The following DCAF17 variants were observed in gnomAD, a reference collection of about 807,000 sequenced individuals.
The protein encoded by DCAF17 is DDB1 and CUL4 associated factor 17, also known as DDB1- and CUL4-associated factor 17.
A neutral mutation model predicts 66.0 loss-of-function variants in DCAF17; 48 were observed. The ratio of observed to expected loss-of-function variants is 0.73; its 90% CI spans 0.58 to 0.92. The LOEUF (loss-of-function observed/expected upper bound fraction) is 0.92. DCAF17 is among the 40% of genes least tolerant of loss of function. DCAF17 has a pLI of 0.00. For synonymous variants in DCAF17, 206 were observed against 214.6 expected, an observed-to-expected ratio of 0.96 and a Z score of 0.35; for missense variants, 562 against 622.8, an observed-to-expected ratio of 0.90 and a Z score of 1.04.
rs1208491137 is a variant in DCAF17 at position 171,483,952 on chromosome 2, C to T, written c.*2838C>T. ...TGTTATTTTATCCCAATTTAGCATA[C>T]CAACAACTATAATACTAGATATGTA... On this transcript the variant is annotated 3_prime_UTR_variant, in exon 14 of 14. Transcript: ENST00000375255. The T allele has an allele frequency of 4.4e-6, 2 of 453,808 alleles. No homozygotes were observed. Among genetic ancestry groups the T allele is most frequent in the Non-Finnish European group, 8.8e-6 (2 of 226,784 alleles). The allele number at this position is 453,808 out of a possible 1,614,324, so 28.1% of individuals were successfully genotyped here. A position where few individuals can be genotyped will look rare whatever the true frequency, so the allele number is the denominator to read the frequency against.
At chr2:171,439,413 G>A (rs544545158) in intron 2 of DCAF17, among the ~76,000 whole-genome samples, 1 of 151,186 alleles carries the variant, frequency 6.6e-6, no homozygotes, top group East Asian at 1.9e-4. Flanking sequence ...CAAACTCACT[G>A]ATTCTGTCCT....
chr2:171,438,058 T>A (rs769909783), intron 2 of DCAF17, among the ~76,000 whole-genome samples: 1 of 152,260 alleles, frequency 6.6e-6, no homozygotes, highest in Non-Finnish European at 1.5e-5. Flanking sequence ...ATACGTTGTA[T>A]GTGCATTTTC....
At chr2:171,471,524 G>A (rs1311896843) in intron 9 of DCAF17, among the ~76,000 whole-genome samples, 5 of 152,142 alleles carry the variant, frequency 3.3e-5, no homozygotes, top group African/African-American at 1.2e-4. Context: ...AGCATCTGGA[G>A]CTAATACCAT....
Position 171,483,793 on chromosome 2 carries a change from A to G in DCAF17, c.*2679A>G. 1 of 454,116 alleles carries G rather than the reference A, an allele frequency of 2.2e-6. No individual in the cohort carries two copies. The highest frequency in any genetic ancestry group is 4.4e-6 in the Non-Finnish European group (1 of 226,790). The allele number at this position is 454,116 out of a possible 1,614,324, so 28.1% of individuals were successfully genotyped here. On this transcript the variant is annotated 3_prime_UTR_variant, in exon 14 of 14. Transcript: ENST00000375255. ...ATTATCTTTCCCCTTTGTACAAATG[A>G]GGAAAGTGAGGCTCACAGAAGTTAA...
chr2:171,450,384 T>C (rs1205970428), intron 5 of DCAF17, among the ~76,000 whole-genome samples: 1 of 151,928 alleles, frequency 6.6e-6, no homozygotes, highest in Admixed American at 6.6e-5. Flanking sequence ...CCTATTGAAA[T>C]AAAATAATAA....
chr2:171,434,585 C>T lies in DCAF17; in HGVS notation c.8C>T (p.Pro3Leu), dbSNP rs766413776. Residue 3 changes from proline to leucine, a missense_variant, in exon 1 of 14, where the codon CCG becomes CTG. This residue lies in a region of DCAF17 where 348 missense variants were observed against 355.9 expected (regional missense o/e 0.98). Transcript: ENST00000375255. MG[P>L]TRKPNVCSRL... Reference sequence around the variant, plus strand: ...GGCCCGGCCCGCGCCTCCATGGGCCCGACCCGGAAGCCCAACGTGTGCAGC... The same window carrying T: ...GGCCCGGCCCGCGCCTCCATGGGCCTGACCCGGAAGCCCAACGTGTGCAGC... The T allele has an allele frequency of 3.3e-6, 5 of 1,527,314 alleles. No homozygotes were observed. The highest frequency in any genetic ancestry group is 4.4e-6 in the Non-Finnish European group (5 of 1,143,590). The allele number at this position is 1,527,314 out of a possible 1,614,324, so 94.6% of individuals were successfully genotyped here.
intron 3 of DCAF17, among the ~76,000 whole-genome samples, chr2:171,446,286 G>A (rs185544070): frequency 1.1e-4 from 17 of 152,102 alleles, no homozygotes; most frequent in African/African-American, 4.1e-4. Context: ...GGTGGCTCAC[G>A]CCTGTAATCC....
intron 8 of DCAF17, among the ~76,000 whole-genome samples, chr2:171,463,468 G>C (rs537635799): frequency 6.6e-6 from 1 of 152,026 alleles, no homozygotes; most frequent in Non-Finnish European, 1.5e-5. Flanking sequence ...TTGATAAATC[G>C]GAAGAGATAC....
intron 2 of DCAF17, among the ~76,000 whole-genome samples, chr2:171,435,655 A>T (rs1489877091): frequency 6.6e-6 from 1 of 151,996 alleles, no homozygotes; most frequent in Non-Finnish European, 1.5e-5. Context: ...TGAGGGGGGA[A>T]GGAAAGCCAC....
intron 10 of DCAF17, chr2:171,474,293 C>G: frequency 2.9e-6 from 1 of 340,960 alleles, no homozygotes. Context: ...TGTCTTTGTT[C>G]TGAAAGGCAG....
intron 10 of DCAF17, among the ~76,000 whole-genome samples, chr2:171,476,088 T>A (rs1173045651): frequency 6.6e-6 from 1 of 152,096 alleles, no homozygotes; most frequent in Non-Finnish European, 1.5e-5. Flanking sequence ...GATCTCTTGG[T>A]CTTTGGGAAC....
intron 2 of DCAF17, among the ~76,000 whole-genome samples, chr2:171,437,437 C>T (rs755729484): frequency 3.9e-5 from 6 of 152,202 alleles, no homozygotes; most frequent in Non-Finnish European, 7.3e-5. Flanking sequence ...CAAGTCTGTT[C>T]CACTGATCTG....
At position 171,483,229 on chromosome 2, in the gene DCAF17, T is replaced by C. The variant is rs1379516941; in HGVS notation, c.*2115T>C. On this transcript the variant is annotated 3_prime_UTR_variant, in exon 14 of 14. Coordinates refer to ENST00000375255, the MANE Select transcript of DCAF17 (RefSeq NM_025000.4). ...TGCCACCTGCCAGACATTAATGTCTTCCTGCCCTACCTAAACCCCCTCTTT... is the reference window on the plus strand; with the variant it reads ...TGCCACCTGCCAGACATTAATGTCTCCCTGCCCTACCTAAACCCCCTCTTT... 2 of 454,010 alleles carry C rather than the reference T, an allele frequency of 4.4e-6. No homozygotes were observed. Among genetic ancestry groups the C allele is most frequent in the Non-Finnish European group, 8.8e-6 (2 of 226,800 alleles). The allele number at this position is 454,010 out of a possible 1,614,324, so 28.1% of individuals were successfully genotyped here.
chr2:171,434,907 G>C (rs1693746949), intron 1 of DCAF17, 176 bp from the exon 2 acceptor site: 1 of 1,032,980 alleles, frequency 9.7e-7, no homozygotes, highest in African/African-American at 1.6e-5. Context: ...GTCTTACCTG[G>C]AAACAATTAT....
intron 6 of DCAF17, among the ~76,000 whole-genome samples, chr2:171,457,397 A>C (rs1255692724): frequency 1.3e-5 from 2 of 152,234 alleles, no homozygotes; most frequent in Non-Finnish European, 2.9e-5. Context: ...GTTTTTGATT[A>C]AGCTGCTGAA....
In DCAF17 at chr2:171,482,002, A is replaced by T. The variant is rs1236012808; in HGVS notation, c.*888A>T. The T allele has an allele frequency of 2.2e-6, 1 of 453,954 alleles. No individual in the cohort carries two copies. Among genetic ancestry groups the T allele is most frequent in the Non-Finnish European group, 4.4e-6 (1 of 226,770 alleles). The allele number at this position is 453,954 out of a possible 1,614,324, so 28.1% of individuals were successfully genotyped here. A position where few individuals can be genotyped will look rare whatever the true frequency, so the allele number is the denominator to read the frequency against. ...AAAAGTGGATAAAGAGTCCCAGAAG[A>T]AGTTCTTACTAGCTTGGGAGTTACC... On this transcript the variant is annotated 3_prime_UTR_variant, in exon 14 of 14. Transcript: ENST00000375255.
chr2:171,455,217 C>T (rs1004350827), intron 6 of DCAF17, among the ~76,000 whole-genome samples: 1 of 148,956 alleles, frequency 6.7e-6, no homozygotes, highest in Non-Finnish European at 1.5e-5. Flanking sequence ...TCCATGTGTT[C>T]TCATCATTTA....
Position 171,473,937 on chromosome 2 carries a change from T to C in DCAF17, c.1053T>C (p.Ala351=), listed in dbSNP as rs1574398684. ...ACTGGATCTATTTCCATCCTGATGC[T>C]TCTGGTAGAATAATACATGTTGGTC... The part of the protein sequence containing the change: ...ESDWIYFHPD[A]SGRIIHVGPN... Residue 351 remains alanine (A), a synonymous_variant, in exon 10 of 14, where the codon GCT becomes GCC. Transcript: ENST00000375255. The C allele has an allele frequency of 2.5e-6, 4 of 1,613,720 alleles. No individual in the cohort carries two copies. The highest frequency in any genetic ancestry group is 2.5e-6 in the Non-Finnish European group (3 of 1,179,848).
At chr2:171,464,630 A>G (rs952668020) in intron 8 of DCAF17, among the ~76,000 whole-genome samples, 1 of 152,220 alleles carries the variant, frequency 6.6e-6, no homozygotes, top group Non-Finnish European at 1.5e-5. Flanking sequence ...TTTTGAGGGA[A>G]CACAAGTCAA....
Sources: gnomAD v4.1 joint callset for allele counts (sites outside exome capture counted in the v4.1 genomes callset) on GRCh38, gnomAD v4.1.1 for gene constraint, gnomAD v4.1.1 regional missense constraint, MANE v1.5 for transcripts, NCBI Gene and HGNC (gene_info 2026-07-23, HGNC 2026-07-21) for gene names.